Variants in JAK2 observed in about 807,000 individuals in gnomAD.
JAK2 encodes the protein Janus kinase 2, also known as tyrosine-protein kinase JAK2.
Under a neutral mutation model 139.3 loss-of-function variants are expected in JAK2, and 86 were observed. The ratio of observed to expected loss-of-function variants is 0.62; its 90% CI spans 0.52 to 0.74. The LOEUF is 0.74. JAK2 is among the 30% of genes least tolerant of loss of function. The pLI is 0.00. For missense variants in JAK2, 1,421 were observed against 1,360.3 expected (o/e 1.04, Z -0.70); for synonymous variants, 490 against 437.7 (o/e 1.12, Z -1.49).
chr9:5,112,139 C>A, intron 22 of JAK2: 2 of 309,086 alleles, frequency 6.5e-6, no homozygotes, highest in South Asian at 5.2e-5. Context: ...GCCATGGGCA[C>A]GGCTAGCAAC....
chr9:5,125,852 CT>C (rs1823955253), intron 23 of JAK2: 1 of 143,406 alleles, frequency 7.0e-6, no homozygotes, highest in Non-Finnish European at 1.5e-5. Flanking sequence ...TTTATAAGAG[CT>C]GTCTATATTG....
At chr9:5,034,135 A>G (rs1384329646) in intron 4 of JAK2, among the ~76,000 whole-genome samples, 1 of 152,220 alleles carries the variant, frequency 6.6e-6, no homozygotes, top group African/African-American at 2.4e-5. Flanking sequence ...AGATCAAAAG[A>G]AACAAAGAAG....
At position 5,080,313 on chromosome 9, in the gene JAK2, T is replaced by C; in HGVS notation, c.2216T>C (p.Phe739Ser). Residue 739 changes from phenylalanine to serine, a missense_variant, in exon 17 of 25, where the codon TTT becomes TCT. By Grantham distance (155) the Phe-to-Ser change is radical (BLOSUM62 -2). Coordinates refer to ENST00000381652, the MANE Select transcript of JAK2 (RefSeq NM_004972.4). Reference sequence around the variant, plus strand: ...AATTTGGCAACAGACAAATGGAGTTTTGGTACCACTTTGTGGGAAATCTGC... The same window carrying C: ...AATTTGGCAACAGACAAATGGAGTTCTGGTACCACTTTGTGGGAAATCTGC... The part of the protein sequence containing the change: ...NLNLATDKWS[F>S]GTTLWEICSG... 1 of 1,613,808 alleles carries C rather than the reference T, an allele frequency of 6.2e-7. No individual in the cohort carries two copies.
chr9:5,127,383 T>A lies in JAK2; in HGVS notation c.*592T>A, dbSNP rs892740285. The stretch of plus-strand genomic sequence containing the variant: ...CAGCATTATAAGCAGGTGTATACTT[T>A]TAGCTTGTAGTTCCATGTACTGTAA... On this transcript the variant is annotated 3_prime_UTR_variant, in exon 25 of 25. Transcript: ENST00000381652. 2.6e-5 allele frequency: 6 copies of A among 231,982 alleles called. No homozygotes were observed. Among genetic ancestry groups the A allele is most frequent in the African/African-American group, 1.3e-4 (6 of 45,264 alleles). 14.4% of individuals were successfully genotyped at this position (231,982 alleles called of 1,614,324 possible).
At chr9:5,116,316 T>G (rs1357960947) in intron 22 of JAK2, among the ~76,000 whole-genome samples, 1 of 152,240 alleles carries the variant, frequency 6.6e-6, no homozygotes, top group African/African-American at 2.4e-5. Flanking sequence ...TGCTTTAATC[T>G]GGCATTAATT....
At position 5,089,869 on chromosome 9, in the gene JAK2, C is replaced by G. The variant is rs765368991; in HGVS notation, c.2761+6C>G. The G allele has an allele frequency of 1.4e-6, 2 of 1,454,304 alleles. No individual in the cohort carries two copies. The highest frequency in any genetic ancestry group is 1.6e-5 in the South Asian group (1 of 62,588). The allele number at this position is 1,454,304 out of a possible 1,614,324, so 90.1% of individuals were successfully genotyped here. A position where few individuals can be genotyped will look rare whatever the true frequency, so the allele number is the denominator to read the frequency against. The stretch of plus-strand genomic sequence containing the variant: ...GGGAGTGTGCTACAGTGCTGGTAAG[C>G]TGCCCATTGAAACCTATTTTAAATT... On this transcript the variant is annotated splice_donor_region_variant and intron_variant, in intron 20 of 24. Transcript: ENST00000381652.
At chr9:5,126,246 A>AT (rs1823986927) in intron 23 of JAK2, 87 bp from the exon 24 acceptor site, 1 of 873,080 alleles carries the variant, frequency 1.1e-6, no homozygotes, top group Non-Finnish European at 1.8e-6. Context: ...CATATACTAA[A>AT]TTTTTTCCCA....
At chr9:5,111,078 A>T in intron 22 of JAK2, 1 of 1,219,382 alleles carries the variant, frequency 8.2e-7, no homozygotes, top group Non-Finnish European at 1.2e-6. Flanking sequence ...GGCCCAGCTC[A>T]GGCTCCTGGG....
At chr9:5,104,535 A>T (rs899186060) in intron 22 of JAK2, among the ~76,000 whole-genome samples, 15 of 152,214 alleles carry the variant, frequency 9.9e-5, no homozygotes, top group African/African-American at 3.6e-4. Context: ...ATGGAAAAAG[A>T]GGGAATCCTC....
rs2130522257 is a variant in JAK2, at chr9:5,069,059, CA to C, written c.1370del (p.Asn457MetfsTer22). Reference sequence around the variant, plus strand: ...ATTGAATATAAACACTGTTTGATTACAAAAAATGAGAATGAAGAGTACAACC... The same window carrying C: ...ATTGAATATAAACACTGTTTGATTACAAAAATGAGAATGAAGAGTACAACC... The part of the protein sequence containing the change: ...NVIEYKHCLI[T>X]KNENEEYNLS... On this transcript the variant is annotated frameshift_variant, in exon 11 of 25. Transcript: ENST00000381652. LOFTEE classifies it high-confidence loss of function. 1 of 1,600,482 alleles carries C rather than the reference CA, an allele frequency of 6.2e-7. No homozygotes were observed.
At position 5,089,797 on chromosome 9, in the gene JAK2, A is replaced by G. The variant is rs769270697; in HGVS notation, c.2695A>G (p.Ile899Val). Reference protein sequence around the residue: ...EEHLRDFEREIEILKSLQHDN... With the variant: ...EEHLRDFEREVEILKSLQHDN... ...GCACCTAAGAGACTTTGAAAGGGAA[A>G]TTGAAATCCTGAAATCCCTACAGCA... The change falls in exon 20 of 25, where the codon ATT becomes GTT. Residue 899 changes from isoleucine to valine, a missense_variant. By Grantham distance (29) the Ile-to-Val change is conservative. Coordinates refer to ENST00000381652, the MANE Select transcript of JAK2 (RefSeq NM_004972.4). The G allele has an allele frequency of 8.1e-6, 13 of 1,598,974 alleles. No homozygotes were observed. The Admixed American group carries it at 2.2e-4, about 28-fold the overall frequency.
At chr9:5,124,336 A>G (rs1202781712) in intron 23 of JAK2, among the ~76,000 whole-genome samples, 1 of 151,262 alleles carries the variant, frequency 6.6e-6, no homozygotes, top group Non-Finnish European at 1.5e-5. Context: ...GTATTTTTCT[A>G]GTTTCAGATC....
chr9:5,010,856 C>G (rs1314985100), intron 2 of JAK2, among the ~76,000 whole-genome samples: 1 of 152,022 alleles, frequency 6.6e-6, no homozygotes, highest in African/African-American at 2.4e-5. Flanking sequence ...TTTGAAAATT[C>G]TTATTTTTTA....
At chr9:4,994,300 A>G (rs1213608273) in intron 2 of JAK2, among the ~76,000 whole-genome samples, 1 of 152,242 alleles carries the variant, frequency 6.6e-6, no homozygotes, top group African/African-American at 2.4e-5. Context: ...TATTGAAGAC[A>G]GTGAGGATTA....
chr9:5,085,535 T>G, intron 19 of JAK2: 1 of 709,390 alleles, frequency 1.4e-6, no homozygotes, highest in African/African-American at 1.7e-5. Flanking sequence ...AAATCTTCAA[T>G]AACTCGGGTT....
rs1250164547 is a variant in JAK2, at chr9:5,029,840, G to C, written c.284G>C (p.Trp95Ser). ...TTAATGAGTGAAACAGAAAGGATCTGGTATCCACCCAACCATGTCTTCCAT... is the reference window on the plus strand; with the variant it reads ...TTAATGAGTGAAACAGAAAGGATCTCGTATCCACCCAACCATGTCTTCCAT... ...FALMSETERI[W>S]YPPNHVFHID... The change falls in exon 4 of 25, where the codon TGG becomes TCG. Residue 95 changes from tryptophan to serine, a missense_variant. Physicochemically the swap from Trp to Ser is radical, Grantham distance 177 (BLOSUM62 -3). Coordinates refer to ENST00000381652, the MANE Select transcript of JAK2 (RefSeq NM_004972.4). 6.2e-7 allele frequency: 1 copy of C among 1,610,734 alleles called. No homozygotes were observed. The highest frequency in any genetic ancestry group is 8.5e-7 in the Non-Finnish European group (1 of 1,177,344).
chr9:5,049,743 T>C (rs1175116809), intron 5 of JAK2, among the ~76,000 whole-genome samples: 1 of 152,234 alleles, frequency 6.6e-6, no homozygotes, highest in Non-Finnish European at 1.5e-5. Context: ...ATTTTATTGT[T>C]CTGTGAATAT....
At chr9:5,119,164 T>C (rs1823428617) in intron 22 of JAK2, among the ~76,000 whole-genome samples, 1 of 152,150 alleles carries the variant, frequency 6.6e-6, no homozygotes, top group African/African-American at 2.4e-5. Flanking sequence ...ATACAACCCA[T>C]TTGGTAATGC....
At position 5,090,399 on chromosome 9, in the gene JAK2, G is replaced by A. The variant is rs376840898; in HGVS notation, c.2762-47G>A. The A allele has an allele frequency of 5.7e-6, 8 of 1,393,408 alleles. No homozygotes were observed. In the African/African-American group the frequency reaches 8.7e-5, roughly 15 times the overall value. The allele number at this position is 1,393,408 out of a possible 1,614,324, so 86.3% of individuals were successfully genotyped here. A position where few individuals can be genotyped will look rare whatever the true frequency, so the allele number is the denominator to read the frequency against. The stretch of plus-strand genomic sequence containing the variant: ...ATGATAGTTTTCTAATATTTAATCA[G>A]TATAATATGGCAGAGTAAAACATTA... On this transcript the variant is annotated intron_variant, in intron 20 of 24. Coordinates refer to ENST00000381652, the MANE Select transcript of JAK2 (RefSeq NM_004972.4).
Sources: gnomAD v4.1 joint callset for allele counts (sites outside exome capture counted in the v4.1 genomes callset) on GRCh38, gnomAD v4.1.1 for gene constraint, MANE v1.5 for transcripts, NCBI Gene and HGNC (gene_info 2026-07-23, HGNC 2026-07-21) for gene names.